PSD2: variants seen among roughly 807,000 people sequenced by gnomAD.
PSD2 encodes pleckstrin and Sec7 domain containing 2.
Under a neutral mutation model 69.8 loss-of-function variants are expected in PSD2, and 38 were observed. The ratio of observed to expected loss-of-function variants is 0.54; its 90% confidence interval spans 0.42 to 0.71. The LOEUF is 0.71. Among genes scored for constraint, PSD2 ranks in the 30% least tolerant of loss-of-function variants. The probability of loss-of-function intolerance (pLI) is 0.00; values close to 1 mark genes in which losing one functional copy is unlikely to be tolerated. For missense variants in PSD2, 943 were observed against 1,014.5 expected (o/e 0.93, Z 0.96); for synonymous variants, 412 against 423.0 (o/e 0.97, Z 0.32).
At chr5:139,751,376 G>A in the PSD2 span, among the ~76,000 whole-genome samples, 1 of 152,098 alleles carries the variant, frequency 6.6e-6, no homozygotes, top group African/African-American at 2.4e-5. Flanking sequence ...CTGTGTGCTG[G>A]CCCTAGGGGC....
At position 139,802,255 on chromosome 5, in the gene PSD2, G is replaced by A. The variant is rs542762927; in HGVS notation, c.-51+6280G>A. Among the ~76,000 whole-genome samples, 4 of 152,108 alleles carry A rather than the reference G, an allele frequency of 2.6e-5. No homozygotes were observed. In the South Asian group the frequency reaches 6.3e-4, roughly 24 times the overall value. On this transcript the variant is annotated intron_variant, in intron 1 of 14. Coordinates refer to ENST00000274710, the MANE Select transcript of PSD2 (RefSeq NM_032289.4). ...GAGTTGGGGGGCCTGGACAGAGAAT[G>A]TGAGGACTTAGAGGGTTTGGGGTGT...
the PSD2 span, among the ~76,000 whole-genome samples, chr5:139,780,538 G>T: frequency 6.6e-6 from 1 of 152,062 alleles, no homozygotes; most frequent in South Asian, 2.1e-4. Context: ...CTGCCTCCTG[G>T]GTTCAAGTGA....
At chr5:139,822,879 C>A in intron 7 of PSD2, 95 bp downstream of exon 7, 1 of 1,134,128 alleles carries the variant, frequency 8.8e-7, no homozygotes, top group Non-Finnish European at 1.2e-6. Context: ...TACTCAGTGG[C>A]CGGGCTTCTT....
intron 2 of PSD2, among the ~76,000 whole-genome samples, chr5:139,810,255 G>A (rs781140420): frequency 1.3e-5 from 2 of 152,156 alleles, no homozygotes; most frequent in African/African-American, 2.4e-5. Flanking sequence ...TGCAGTAATC[G>A]TCAGGAAGTT....
chr5:139,765,615 G>A, the PSD2 span, among the ~76,000 whole-genome samples: 2 of 152,246 alleles, frequency 1.3e-5, no homozygotes, highest in Non-Finnish European at 2.9e-5. Context: ...CCGGGCCGCA[G>A]TGCTCGCAGC....
In PSD2 at chr5:139,839,610, C is replaced by T. The variant is rs1176601595; in HGVS notation, c.1969-417C>T. Among the ~76,000 whole-genome samples the T allele has an allele frequency of 2.0e-5, 3 of 152,196 alleles. No homozygotes were observed. The highest frequency in any genetic ancestry group is 6.5e-5 in the Admixed American group (1 of 15,286). ...GTATCTGCGCATGAATGTAAGAGAACGCGTGTATCATATGGAGCAGGGGAT... is the reference window on the plus strand; with the variant it reads ...GTATCTGCGCATGAATGTAAGAGAATGCGTGTATCATATGGAGCAGGGGAT... On this transcript the variant is annotated intron_variant, in intron 13 of 14. Coordinates refer to ENST00000274710, the MANE Select transcript of PSD2 (RefSeq NM_032289.4). This position sits in a 1 kb window ranked among gnomAD's most constrained non-coding sequence, Gnocchi z 5.1.
chr5:139,778,964 A>G, the PSD2 span, among the ~76,000 whole-genome samples: 1 of 149,834 alleles, frequency 6.7e-6, no homozygotes, highest in Non-Finnish European at 1.5e-5. Flanking sequence ...AAAAAAAAAG[A>G]AAGAAAAAAT....
At chr5:139,797,625 C>T (rs1260258526) in intron 1 of PSD2, among the ~76,000 whole-genome samples, 3 of 152,220 alleles carry the variant, frequency 2.0e-5, no homozygotes, top group South Asian at 2.1e-4. Flanking sequence ...CTGCTCTAGA[C>T]AGGACTGAGA....
At chr5:139,830,598 TTCTTTCTTTC>T (rs1357499093) in intron 7 of PSD2, among the ~76,000 whole-genome samples, 26 of 130,686 alleles carry the variant, frequency 2.0e-4, no homozygotes, top group South Asian at 7.0e-4. Flanking sequence ...TTCTTTTTCT[TTCTTTCTTTC>T]TCTTTCTTTC....
At chr5:139,798,960 G>A (rs1015058719) in intron 1 of PSD2, among the ~76,000 whole-genome samples, 2 of 151,800 alleles carry the variant, frequency 1.3e-5, no homozygotes, top group Admixed American at 6.6e-5. Context: ...ATGAATCCCT[G>A]GCTTTTTTGA....
Position 139,833,699 on chromosome 5 carries a change from C to G in PSD2, c.1270-3C>G. The G allele has an allele frequency of 1.9e-6, 3 of 1,611,734 alleles. No homozygotes were observed. The highest frequency in any genetic ancestry group is 2.5e-6 in the Non-Finnish European group (3 of 1,177,888). ...CTTAGGCAGAACCATTTCTCCATTACAGAACATTGGCAAAAAGATGTCCTG... is the reference window on the plus strand; with the variant it reads ...CTTAGGCAGAACCATTTCTCCATTAGAGAACATTGGCAAAAAGATGTCCTG... On this transcript the variant is annotated splice_region_variant and splice_polypyrimidine_tract_variant and intron_variant, in intron 7 of 14. Transcript: ENST00000274710.
the PSD2 span, among the ~76,000 whole-genome samples, chr5:139,764,377 G>T: frequency 6.6e-6 from 1 of 152,216 alleles, no homozygotes; most frequent in Non-Finnish European, 1.5e-5. Context: ...TGCTGCAGCT[G>T]GGGCGCGTAC....
chr5:139,768,026 C>A, the PSD2 span, among the ~76,000 whole-genome samples: 1 of 152,372 alleles, frequency 6.6e-6, no homozygotes, highest in East Asian at 1.9e-4. Context: ...GTGCAGTGCT[C>A]CCCTGTCCCC....
chr5:139,766,960 T>C, the PSD2 span, among the ~76,000 whole-genome samples: 4 of 140,900 alleles, frequency 2.8e-5, no homozygotes, highest in African/African-American at 5.4e-5. Flanking sequence ...TTTCTTTCTT[T>C]CTTTCTTTCT....
Position 139,814,440 on chromosome 5 carries a change from C to A in PSD2, c.1016+76C>A. The A allele has an allele frequency of 7.2e-7, 1 of 1,382,328 alleles. No homozygotes were observed. The highest frequency in any genetic ancestry group is 9.6e-7 in the Non-Finnish European group (1 of 1,038,312). 85.6% of individuals were successfully genotyped at this position (1,382,328 alleles called of 1,614,324 possible). On this transcript the variant is annotated intron_variant, in intron 4 of 14. Coordinates refer to ENST00000274710, the MANE Select transcript of PSD2 (RefSeq NM_032289.4). The surrounding 1 kb of genome is among the most constrained non-coding windows in gnomAD (Gnocchi z 4.4). The stretch of plus-strand genomic sequence containing the variant: ...TCAACCTGAAGAGGGTGTGGGTGAC[C>A]TTCTTCAGGGGTGCCAGGTGCTGGG...
At chr5:139,831,047 T>C (rs1381664503) in intron 7 of PSD2, among the ~76,000 whole-genome samples, 2 of 152,124 alleles carry the variant, frequency 1.3e-5, no homozygotes, top group Admixed American at 6.5e-5. Context: ...CCAGCCAAGA[T>C]TGTGAATATG....
chr5:139,756,703 AGGAGCAAT>A, the PSD2 span, among the ~76,000 whole-genome samples: 1 of 152,164 alleles, frequency 6.6e-6, no homozygotes, highest in Non-Finnish European at 1.5e-5. Flanking sequence ...TACAAGGGTT[AGGAGCAAT>A]GGAGGGGCTT....
the PSD2 span, among the ~76,000 whole-genome samples, chr5:139,752,550 G>A: frequency 1.3e-5 from 2 of 152,158 alleles, no homozygotes; most frequent in Admixed American, 1.3e-4. Context: ...GCATACAGAT[G>A]CACCTGGTGA....
At chr5:139,752,548 A>G in the PSD2 span, among the ~76,000 whole-genome samples, 1 of 152,170 alleles carries the variant, frequency 6.6e-6, no homozygotes. Context: ...GTGCATACAG[A>G]TGCACCTGGT....
Sources: gnomAD v4.1 joint callset for allele counts (sites outside exome capture counted in the v4.1 genomes callset) on GRCh38, gnomAD v4.1.1 for gene constraint, Gnocchi (gnomAD v3.1) non-coding constraint, MANE v1.5 for transcripts, NCBI Gene and HGNC (gene_info 2026-07-23, HGNC 2026-07-21) for gene names.